The following ZNF600 variants were observed in gnomAD, a reference collection of about 807,000 sequenced individuals.
The protein encoded by ZNF600 is zinc finger protein KR-ZNF1.
Under a neutral mutation model 7.3 loss-of-function variants are expected in ZNF600, and 4 were observed. The observed-to-expected ratio is 0.55, with a 90% CI of 0.27 to 1.25. The LOEUF (loss-of-function observed/expected upper bound fraction) is 1.25. Among genes scored for constraint, ZNF600 ranks in the 50% most tolerant of loss-of-function variants. The pLI is 0.12. For synonymous variants in ZNF600, 290 were observed against 308.9 expected (o/e 0.94, Z 0.64); for missense variants, 911 against 922.1 (o/e 0.99, Z 0.16).
upstream of ZNF600, among the ~76,000 whole-genome samples, chr19:52,788,071 T>A (rs1208877785): frequency 6.6e-6 from 1 of 152,082 alleles, no homozygotes; most frequent in Non-Finnish European, 1.5e-5. Context: ...CACTGACACC[T>A]TGGGGTCCAC....
chr19:52,803,076 T>A, the ZNF600 span, among the ~76,000 whole-genome samples: 56 of 150,994 alleles, frequency 3.7e-4, no homozygotes, highest in African/African-American at 1.2e-3. Flanking sequence ...TTAAAAAAAA[T>A]TTTATGTATT....
chr19:52,809,761 T>C, the ZNF600 span: 4 of 478,438 alleles, frequency 8.4e-6, no homozygotes, highest in Non-Finnish European at 1.5e-5. Flanking sequence ...GCTGAGATCA[T>C]GCCACTTCAC....
At chr19:52,782,446 C>T (rs1200983739) in intron 1 of ZNF600, among the ~76,000 whole-genome samples, 1 of 151,806 alleles carries the variant, frequency 6.6e-6, no homozygotes, top group Non-Finnish European at 1.5e-5. Flanking sequence ...TCACTTGAAC[C>T]CCAGAGGCGA....
the ZNF600 span, chr19:52,800,223 T>G: frequency 4.3e-6 from 7 of 1,613,712 alleles, no homozygotes; most frequent in Admixed American, 6.7e-5. Flanking sequence ...AAGTTTATGA[T>G]GACATGCAAG....
the ZNF600 span, among the ~76,000 whole-genome samples, chr19:52,797,110 C>G: frequency 6.6e-6 from 1 of 152,204 alleles, no homozygotes; most frequent in African/African-American, 2.4e-5. Context: ...TGATATACCA[C>G]TTGAACATAA....
At chr19:52,811,860 G>A in the ZNF600 span, among the ~76,000 whole-genome samples, 214 of 139,690 alleles carry the variant, frequency 1.5e-3, no homozygotes, top group African/African-American at 5.6e-3. Flanking sequence ...CCCTCTGCCC[G>A]GCCAGCCGCC....
chr19:52,818,002 T>G, the ZNF600 span: 1 of 1,610,038 alleles, frequency 6.2e-7, no homozygotes, highest in African/African-American at 1.3e-5. Flanking sequence ...GGTTTCTTCC[T>G]CACGTACCAA....
the ZNF600 span, chr19:52,810,768 T>TAA: frequency 4.8e-5 from 21 of 437,340 alleles, no homozygotes; most frequent in Admixed American, 3.9e-4. Context: ...AAAAAAAGAA[T>TAA]AAAAAAAAAC....
chr19:52,794,863 A>G, the ZNF600 span, among the ~76,000 whole-genome samples: 1 of 152,124 alleles, frequency 6.6e-6, no homozygotes, highest in African/African-American at 2.4e-5. Context: ...TCAAAAAAGG[A>G]AGAAAAAAGT....
At chr19:52,821,879 G>A in the ZNF600 span, among the ~76,000 whole-genome samples, 1 of 151,318 alleles carries the variant, frequency 6.6e-6, no homozygotes, top group African/African-American at 2.4e-5. Context: ...CACCAGCCTG[G>A]GCAACAGAGC....
At chr19:52,828,072 G>C in the ZNF600 span, among the ~76,000 whole-genome samples, 1 of 151,726 alleles carries the variant, frequency 6.6e-6, no homozygotes, top group South Asian at 2.1e-4. Flanking sequence ...ATTTTTTTGA[G>C]ACAAAGTCTT....
At chr19:52,774,756 T>C in intron 2 of ZNF600, 55 bp from the exon 5 acceptor site, 1 of 985,358 alleles carries the variant, frequency 1.0e-6, no homozygotes, top group Non-Finnish European at 1.2e-6. Flanking sequence ...GTTATCACCT[T>C]CATGGGAAAT....
At chr19:52,815,101 TTA>T in the ZNF600 span, among the ~76,000 whole-genome samples, 84,086 of 139,814 alleles carry the variant, frequency 0.6, 29,407 homozygotes, top group Non-Finnish European at 0.72. Flanking sequence ...ATATATATAT[TTA>T]TATATATATA....
exon 4 of ZNF600, chr19:52,765,523 T>C: frequency 6.2e-7 from 1 of 1,609,702 alleles, no homozygotes; most frequent in South Asian, 1.1e-5. Flanking sequence ...CTTTATTCAT[T>C]ATAGATTCTC....
At chr19:52,776,365 C>T (rs1314980009) in intron 2 of ZNF600, among the ~76,000 whole-genome samples, 3 of 151,592 alleles carry the variant, frequency 2.0e-5, no homozygotes, top group Non-Finnish European at 4.4e-5. Flanking sequence ...CCTACAAGGT[C>T]GCTGAATGGA....
chr19:52,766,201 C>T (rs546882281), exon 4 of ZNF600: 2 of 1,612,562 alleles, frequency 1.2e-6, no homozygotes, highest in Admixed American at 1.7e-5. Context: ...CCACTATGAA[C>T]TCTGCGATGG....
At chr19:52,769,027 A>G (rs1480318007) in intron 3 of ZNF600, among the ~76,000 whole-genome samples, 1 of 152,202 alleles carries the variant, frequency 6.6e-6, no homozygotes, top group Non-Finnish European at 1.5e-5. Flanking sequence ...TGTTATGCCC[A>G]GACAGGGCCA....
At chr19:52,789,544 C>A (rs1286366921), upstream of ZNF600, among the ~76,000 whole-genome samples, 4 of 152,310 alleles carry the variant, frequency 2.6e-5, no homozygotes, top group East Asian at 7.7e-4. Context: ...CCCACCTCTT[C>A]ACCAATGCAA....
At chr19:52,772,574 G>GCACATTTGCT (rs1956321745) in intron 3 of ZNF600, among the ~76,000 whole-genome samples, 1 of 152,148 alleles carries the variant, frequency 6.6e-6, no homozygotes, top group African/African-American at 2.4e-5. Context: ...TTGCACTTAA[G>GCACATTTGCT]CCTGGGCAAC....
Sources: gnomAD v4.1 joint callset for allele counts (sites outside exome capture counted in the v4.1 genomes callset) on GRCh38, gnomAD v4.1.1 for gene constraint, MANE v1.5 for transcripts, NCBI Gene and HGNC (gene_info 2026-07-23, HGNC 2026-07-21) for gene names.